Variants in BOD1L1 observed in about 807,000 individuals in gnomAD.
BOD1L1 encodes the protein biorientation of chromosomes in cell division protein 1-like 1.
In BOD1L1, 86 loss-of-function variants were observed where a neutral mutation model predicts 240.7. That is an observed-to-expected ratio of 0.36 (90% CI 0.30 to 0.43). BOD1L1 has a LOEUF of 0.43. Ranked by LOEUF, BOD1L1 falls within the 20% of genes least tolerant of loss-of-function variation. The probability of loss-of-function intolerance (pLI) is 1.00; values close to 1 mark genes in which losing one functional copy is unlikely to be tolerated. For synonymous variants in BOD1L1, 1,268 were observed against 1,272.3 expected (o/e 1.00, Z 0.07); for missense variants, 3,554 against 3,643.5 (o/e 0.98, Z 0.63).
intron 19 of BOD1L1, among the ~76,000 whole-genome samples, chr4:13,581,981 C>T (rs1436624179): frequency 3.3e-5 from 5 of 152,110 alleles, no homozygotes; most frequent in African/African-American, 4.8e-5. Context: ...TGACGTAGAG[C>T]ACTAAGCTGA....
chr4:13,576,025 C>T (rs1172785177), intron 25 of BOD1L1, among the ~76,000 whole-genome samples: 2 of 151,380 alleles, frequency 1.3e-5, no homozygotes, highest in African/African-American at 4.9e-5. Flanking sequence ...GCCTCAGCCT[C>T]CCGAGTAGCT....
intron 22 of BOD1L1, among the ~76,000 whole-genome samples, chr4:13,579,322 T>G (rs538786899): frequency 1.3e-5 from 2 of 152,320 alleles, no homozygotes; most frequent in South Asian, 4.1e-4. Flanking sequence ...ATCTCCTTCC[T>G]CTTTCAAAAA....
Position 13,579,934 on chromosome 4 carries a change from G to A in BOD1L1, c.8743C>T (p.Gln2915Ter). 1 of 1,561,692 alleles carries A rather than the reference G, an allele frequency of 6.4e-7. No individual in the cohort carries two copies. Among genetic ancestry groups the A allele is most frequent in the Non-Finnish European group, 8.7e-7 (1 of 1,151,714 alleles). The change falls in exon 22 of 26, where the codon CAA becomes TAA. Residue 2915 changes from glutamine (Q) to a stop codon, truncating the protein, a stop_gained. Transcript: ENST00000040738. LOFTEE classifies it high-confidence loss of function. The part of the protein sequence containing the change: ...SPSSSKLKVM[Q>*]TDESNKETAN... ...GAATGCGGTAGGTACATACCTGTTT[G>A]CATTACTTTCAGTTTGCTGCTAGAT... is the stretch of plus-strand genomic sequence containing the variant.
chr4:13,590,254 C>G (rs919134850), intron 14 of BOD1L1, 132 bp downstream of exon 14: 2 of 489,116 alleles, frequency 4.1e-6, no homozygotes, highest in Non-Finnish European at 7.2e-6. Context: ...TTAACTATCA[C>G]TTTACTGAAT....
At chr4:13,610,117 A>G (rs908477959) in intron 6 of BOD1L1, among the ~76,000 whole-genome samples, 5 of 152,164 alleles carry the variant, frequency 3.3e-5, no homozygotes, top group African/African-American at 1.2e-4. Context: ...CTGATTCTGA[A>G]CTTTTCATAT....
chr4:13,624,181 A>G (rs1291196095), intron 1 of BOD1L1: 2 of 152,122 alleles, frequency 1.3e-5, no homozygotes, highest in Non-Finnish European at 2.9e-5. Flanking sequence ...CATAACCTGT[A>G]ACATAACCAG....
chr4:13,596,263 G>A (rs771093215), intron 11 of BOD1L1, among the ~76,000 whole-genome samples: 2 of 152,020 alleles, frequency 1.3e-5, no homozygotes, highest in Non-Finnish European at 1.5e-5. Context: ...ACAGCTCACC[G>A]TGAACCACTG....
chr4:13,583,817 C>A (rs1577320230), intron 17 of BOD1L1, among the ~76,000 whole-genome samples: 1 of 152,110 alleles, frequency 6.6e-6, no homozygotes, highest in African/African-American at 2.4e-5. Flanking sequence ...TTGGGAGGGT[C>A]AATTCAATTA....
At chr4:13,579,824 C>G (rs1713078819) in intron 22 of BOD1L1, 104 bp downstream of exon 22, 1 of 850,758 alleles carries the variant, frequency 1.2e-6, no homozygotes, top group African/African-American at 1.7e-5. Context: ...AGGGGGCCAC[C>G]CACTTCAATG....
At chr4:13,592,472 C>A (rs1041053280) in intron 12 of BOD1L1, 1 of 152,476 alleles carries the variant, frequency 6.6e-6, no homozygotes, top group African/African-American at 2.4e-5. Context: ...CTTCCTTTTA[C>A]GTAAGTAGAT....
chr4:13,604,979 C>T lies in BOD1L1; in HGVS notation c.1921G>A (p.Val641Ile), dbSNP rs1236029222. The change falls in exon 10 of 26, where the codon GTT (valine) becomes ATT (isoleucine). Residue 641 changes from valine (V) to isoleucine (I), a missense_variant. Coordinates refer to ENST00000040738, the MANE Select transcript of BOD1L1 (RefSeq NM_148894.3). ...ARRLSESLHV[V>I]DENKNESKLE... ...TTGGATTCATTTTTGTTTTCGTCAA[C>T]TACATGCAAAGACTCTGAAAGTCTC... is the stretch of plus-strand genomic sequence containing the variant. 17 of 1,613,418 alleles carry T rather than the reference C, an allele frequency of 1.1e-5. No homozygotes were observed. The highest frequency in any genetic ancestry group is 8.3e-5 in the Admixed American group (5 of 59,886).
intron 12 of BOD1L1, chr4:13,592,918 C>T (rs1714331452): frequency 6.6e-6 from 1 of 152,200 alleles, no homozygotes; most frequent in Admixed American, 6.5e-5. Context: ...TTAATGCATA[C>T]CTACTCATTA....
Position 13,581,146 on chromosome 4 carries a change from G to A in BOD1L1, c.8654C>T (p.Thr2885Ile). 1 of 1,576,512 alleles carries A rather than the reference G, an allele frequency of 6.3e-7. No individual in the cohort carries two copies. Among genetic ancestry groups the A allele is most frequent in the South Asian group, 1.2e-5 (1 of 85,944 alleles). ...RGRPRKYPVETTLKMKDDSKT... is the reference protein window; with the variant it reads ...RGRPRKYPVEITLKMKDDSKT... ...CAAGTACCTACTCATTTTTAACGTT[G>A]TTTCTACAGGGTATTTGCGAGGTCT... Residue 2885 changes from threonine (T) to isoleucine (I), a missense_variant, in exon 20 of 26, where the codon ACA (threonine) becomes ATA (isoleucine). Physicochemically the swap from Thr to Ile is moderately conservative, Grantham distance 89. This residue lies in a region of BOD1L1 where 3,393 missense variants were observed against 3,427.1 expected (regional missense o/e 0.99). Coordinates refer to ENST00000040738, the MANE Select transcript of BOD1L1 (RefSeq NM_148894.3).
In BOD1L1 at chr4:13,608,668, C is replaced by A; in HGVS notation, c.1604G>T (p.Gly535Val). ...TTCTTCTAAGTCCACACTACTCCTG[C>A]CTAGAAAAGAAGCAATCAATAAAAC... Reference protein sequence around the residue: ...KTKSSKTKGQGRSSVDLEESS... With the variant: ...KTKSSKTKGQVRSSVDLEESS... The change falls in exon 8 of 26, where the codon GGC (glycine) becomes GTC (valine). Residue 535 changes from glycine to valine, a missense_variant and splice_region_variant. Transcript: ENST00000040738. The A allele has an allele frequency of 6.9e-7, 1 of 1,449,408 alleles. No individual in the cohort carries two copies. The highest frequency in any genetic ancestry group is 1.6e-5 in the South Asian group (1 of 63,376). The allele number at this position is 1,449,408 out of a possible 1,614,324, so 89.8% of individuals were successfully genotyped here.
intron 25 of BOD1L1, among the ~76,000 whole-genome samples, chr4:13,573,474 T>A (rs6832683): frequency 0.1 from 2,375 of 23,356 alleles, 58 homozygotes; most frequent in Middle Eastern, 0.17. Flanking sequence ...CTATCTATCT[T>A]TCTTTCTTTC....
Position 13,586,480 on chromosome 4 carries a change from A to C in BOD1L1, c.8354-5T>G, listed in dbSNP as rs767458529. 1 of 1,590,556 alleles carries C rather than the reference A, an allele frequency of 6.3e-7. No individual in the cohort carries two copies. Among genetic ancestry groups the C allele is most frequent in the Non-Finnish European group, 8.6e-7 (1 of 1,160,998 alleles). ...CCAGGACATCTGGATTATCATCTGT[A>C]AATCAGTTTAGACAGAATCACAAAG... is the stretch of plus-strand genomic sequence containing the variant. On this transcript the variant is annotated splice_polypyrimidine_tract_variant and splice_region_variant and intron_variant, in intron 16 of 25. Coordinates refer to ENST00000040738, the MANE Select transcript of BOD1L1 (RefSeq NM_148894.3).
chr4:13,601,599 T>C lies in BOD1L1; in HGVS notation c.5301A>G (p.Ala1767=), dbSNP rs1246951750. The change falls in exon 10 of 26, where the codon GCA becomes GCG. Residue 1767 remains alanine (A), a synonymous_variant. Transcript: ENST00000040738. The part of the protein sequence containing the change: ...GAGVVLGDND[A]PPGTSASQEG... ...CTTGGCTGGCACTTGTTCCTGGTGGTGCATCATTATCTCCCAGGACAACAC... is the reference window on the plus strand; with the variant it reads ...CTTGGCTGGCACTTGTTCCTGGTGGCGCATCATTATCTCCCAGGACAACAC... 1.9e-6 allele frequency: 3 copies of C among 1,613,988 alleles called. No homozygotes were observed. The highest frequency in any genetic ancestry group is 1.1e-5 in the South Asian group (1 of 91,086).
At position 13,577,031 on chromosome 4, in the gene BOD1L1, C is replaced by T. The variant is rs578072304; in HGVS notation, c.8885-40G>A. 102 of 1,602,334 alleles carry T rather than the reference C, an allele frequency of 6.4e-5. 1 individual carries two copies. In the South Asian group the frequency reaches 1.1e-3, roughly 17 times the overall value. On this transcript the variant is annotated intron_variant, in intron 24 of 25. Transcript: ENST00000040738. ...GGGTAACACCTGGATTTTACAATTC[C>T]CAAAGATACTTCCAAGAGAGAGAGT...
chr4:13,589,043 T>C (rs979236546), intron 14 of BOD1L1, among the ~76,000 whole-genome samples: 10 of 152,224 alleles, frequency 6.6e-5, no homozygotes, highest in Non-Finnish European at 1.5e-4. Flanking sequence ...GTCAGTAACA[T>C]GTCTGGGGTA....
Sources: gnomAD v4.1 joint callset for allele counts (sites outside exome capture counted in the v4.1 genomes callset) on GRCh38, gnomAD v4.1.1 for gene constraint, gnomAD v4.1.1 regional missense constraint, MANE v1.5 for transcripts, NCBI Gene and HGNC (gene_info 2026-07-23, HGNC 2026-07-21) for gene names.